Variants in ZNF385B observed in about 807,000 individuals in gnomAD.
The protein encoded by ZNF385B is zinc finger protein 533.
ZNF385B carries 23 observed loss-of-function variants against 39.2 expected under a neutral mutation model. That is an observed-to-expected ratio of 0.59 (90% CI 0.42 to 0.83). The LOEUF is 0.83. Ranked by LOEUF, ZNF385B falls within the 40% of genes least tolerant of loss-of-function variation. The pLI is 0.00. For synonymous variants in ZNF385B, 205 were observed against 222.6 expected, an observed-to-expected ratio of 0.92 and a Z score of 0.70; for missense variants, 552 against 598.9, an observed-to-expected ratio of 0.92 and a Z score of 0.82.
chr2:179,481,233 A>G (rs1405103491), intron 6 of ZNF385B: 2 of 152,190 alleles, frequency 1.3e-5, no homozygotes, highest in Non-Finnish European at 2.9e-5. Context: ...TTGGAATGAA[A>G]GCCTTGAATC....
At chr2:179,554,747 G>A (rs546201491) in intron 3 of ZNF385B, among the ~76,000 whole-genome samples, 1 of 148,820 alleles carries the variant, frequency 6.7e-6, no homozygotes, top group South Asian at 2.2e-4. Flanking sequence ...ATACAAAAAC[G>A]GTGCTTAACT....
At chr2:179,855,773 T>C (rs1287686673) in intron 1 of ZNF385B, among the ~76,000 whole-genome samples, 3 of 152,196 alleles carry the variant, frequency 2.0e-5, no homozygotes, top group Non-Finnish European at 4.4e-5. Flanking sequence ...ATTATGGTGA[T>C]AAACAGCTAC....
chr2:179,593,127 G>A (rs1483142624), intron 3 of ZNF385B, among the ~76,000 whole-genome samples: 5 of 152,026 alleles, frequency 3.3e-5, no homozygotes, highest in Non-Finnish European at 7.4e-5. Context: ...TGCTGTCAAC[G>A]GGAATGATAG....
chr2:179,580,633 C>T (rs888805865), intron 3 of ZNF385B, among the ~76,000 whole-genome samples: 4 of 152,136 alleles, frequency 2.6e-5, no homozygotes, highest in African/African-American at 9.7e-5. Context: ...GATATCAGAG[C>T]ACTCTCTTAA....
intron 3 of ZNF385B, among the ~76,000 whole-genome samples, chr2:179,580,060 T>C (rs1416983001): frequency 6.6e-6 from 1 of 152,154 alleles, no homozygotes; most frequent in East Asian, 1.9e-4. Flanking sequence ...CTATTAGTCC[T>C]AAGACCTTAG....
chr2:179,633,276 C>T (rs975029217), intron 3 of ZNF385B, among the ~76,000 whole-genome samples: 2 of 152,128 alleles, frequency 1.3e-5, no homozygotes, highest in Non-Finnish European at 2.9e-5. Flanking sequence ...ACCAATCTCC[C>T]TGATGAATGT....
chr2:179,476,243 T>G (rs1169608630), intron 6 of ZNF385B, among the ~76,000 whole-genome samples: 1 of 152,186 alleles, frequency 6.6e-6, no homozygotes, highest in Non-Finnish European at 1.5e-5. Context: ...CATTTATGGT[T>G]ATACATTTAC....
intron 6 of ZNF385B, among the ~76,000 whole-genome samples, chr2:179,476,190 G>T (rs1326671878): frequency 1.3e-5 from 2 of 152,066 alleles, no homozygotes; most frequent in Admixed American, 6.5e-5. Context: ...TAAGTAGAGT[G>T]TCATAAAAAT....
intron 3 of ZNF385B, among the ~76,000 whole-genome samples, chr2:179,745,115 T>C (rs1382201971): frequency 6.6e-6 from 1 of 152,124 alleles, no homozygotes; most frequent in African/African-American, 2.4e-5. Context: ...TACTGTTAAT[T>C]TCCTCCCATT....
intron 4 of ZNF385B, among the ~76,000 whole-genome samples, chr2:179,543,560 T>C (rs1277221346): frequency 6.6e-6 from 1 of 152,150 alleles, no homozygotes; most frequent in East Asian, 1.9e-4. Context: ...AATGGCGTAA[T>C]GTGGTGTTCT....
At chr2:179,614,230 T>C (rs1345004684) in intron 3 of ZNF385B, among the ~76,000 whole-genome samples, 1 of 152,056 alleles carries the variant, frequency 6.6e-6, no homozygotes, top group Non-Finnish European at 1.5e-5. Context: ...TTTGTGTGAA[T>C]AGTTGTTCAA....
At chr2:179,747,303 C>T (rs867807445) in intron 3 of ZNF385B, among the ~76,000 whole-genome samples, 2 of 152,100 alleles carry the variant, frequency 1.3e-5, no homozygotes, top group African/African-American at 2.4e-5. Context: ...TGGTTAGATG[C>T]CCTTGCTTGG....
At chr2:179,501,135 T>C (rs1233259486) in intron 5 of ZNF385B, among the ~76,000 whole-genome samples, 1 of 152,160 alleles carries the variant, frequency 6.6e-6, no homozygotes, top group African/African-American at 2.4e-5. Flanking sequence ...TTGTGCACTA[T>C]TGGTGGGAAT....
chr2:179,462,504 T>G (rs1446460122), intron 6 of ZNF385B, among the ~76,000 whole-genome samples: 1 of 151,916 alleles, frequency 6.6e-6, no homozygotes, highest in Non-Finnish European at 1.5e-5. Flanking sequence ...TTTGACAAAA[T>G]ACAACTGATA....
chr2:179,753,792 G>A (rs1189503399), intron 3 of ZNF385B, among the ~76,000 whole-genome samples: 2 of 152,206 alleles, frequency 1.3e-5, no homozygotes, highest in Non-Finnish European at 2.9e-5. Context: ...TATATCCTGA[G>A]ACTTTGCTGA....
At chr2:179,705,021 T>C (rs553639663) in intron 3 of ZNF385B, among the ~76,000 whole-genome samples, 1 of 152,322 alleles carries the variant, frequency 6.6e-6, no homozygotes. Flanking sequence ...CCCCCTTTTT[T>C]TCCCCTGGCC....
intron 3 of ZNF385B, among the ~76,000 whole-genome samples, chr2:179,698,097 G>C (rs751768155): frequency 6.6e-6 from 1 of 151,916 alleles, no homozygotes; most frequent in East Asian, 1.9e-4. Flanking sequence ...TGTAAATGAC[G>C]AGTTAATGGG....
chr2:179,524,760 G>A (rs2058777250), intron 4 of ZNF385B, among the ~76,000 whole-genome samples: 1 of 151,982 alleles, frequency 6.6e-6, no homozygotes, highest in Non-Finnish European at 1.5e-5. Context: ...AAAAGAAGTT[G>A]CCATTAAGCA....
At chr2:179,492,926 A>G (rs893870091) in intron 5 of ZNF385B, among the ~76,000 whole-genome samples, 4 of 152,196 alleles carry the variant, frequency 2.6e-5, no homozygotes, top group African/African-American at 9.6e-5. Flanking sequence ...AGATTAAACT[A>G]GAAGTTTTCA....
Sources: gnomAD v4.1 joint callset for allele counts (sites outside exome capture counted in the v4.1 genomes callset) on GRCh38, gnomAD v4.1.1 for gene constraint, MANE v1.5 for transcripts, NCBI Gene and HGNC (gene_info 2026-07-23, HGNC 2026-07-21) for gene names.